The following PHLDB2 variants were observed in gnomAD, a reference collection of about 807,000 sequenced individuals.
PHLDB2 encodes the protein pleckstrin homology-like domain family B member 2.
In PHLDB2, 71 loss-of-function variants were observed where a neutral mutation model predicts 123.6. The observed-to-expected ratio is 0.57, with a 90% CI of 0.47 to 0.70. The LOEUF (loss-of-function observed/expected upper bound fraction) is 0.70, where lower values mean the gene tolerates loss of function less well. PHLDB2 is among the 30% of genes least tolerant of loss of function. PHLDB2 has a pLI of 0.00. For missense variants in PHLDB2, 1,446 were observed against 1,519.5 expected (o/e 0.95, Z 0.80); for synonymous variants, 547 against 541.6 (o/e 1.01, Z -0.14).
intron 1 of PHLDB2, among the ~76,000 whole-genome samples, chr3:111,865,259 C>G (rs1222332020): frequency 1.3e-5 from 2 of 152,178 alleles, no homozygotes; most frequent in Non-Finnish European, 2.9e-5. Context: ...CAAAACCTTT[C>G]TTATACATCA....
chr3:111,967,945 A>T, intron 15 of PHLDB2, 121 bp downstream of exon 15: 1 of 378,500 alleles, frequency 2.6e-6, no homozygotes, highest in Non-Finnish European at 4.5e-6. Context: ...TTGACATGTA[A>T]GGGTTAAGAG....
intron 2 of PHLDB2, among the ~76,000 whole-genome samples, chr3:111,904,843 A>G (rs920214301): frequency 2.6e-5 from 4 of 152,170 alleles, no homozygotes; most frequent in African/African-American, 9.7e-5. Flanking sequence ...CTCTCCTCAG[A>G]TAACTGAGCT....
intron 1 of PHLDB2, among the ~76,000 whole-genome samples, chr3:111,820,749 T>A (rs2108398735): frequency 6.6e-6 from 1 of 151,932 alleles, no homozygotes; most frequent in Non-Finnish European, 1.5e-5. Flanking sequence ...AGAAGAGGAG[T>A]AAAGCAAAGA....
intron 1 of PHLDB2, among the ~76,000 whole-genome samples, chr3:111,827,580 C>CA (rs1240692540): frequency 8.8e-5 from 13 of 147,536 alleles, no homozygotes. Context: ...GAGGCTGAGG[C>CA]GGAGAATGGC....
At chr3:111,732,780 T>C in intron 1 of PHLDB2, 1 of 1,290,026 alleles carries the variant, frequency 7.8e-7, no homozygotes, top group African/African-American at 1.5e-5. Flanking sequence ...GTCACCAGAG[T>C]GTTTCTGAGG....
At chr3:111,807,427 T>C (rs754712469) in intron 1 of PHLDB2, among the ~76,000 whole-genome samples, 1 of 152,060 alleles carries the variant, frequency 6.6e-6, no homozygotes, top group Admixed American at 6.6e-5. Context: ...AAAAGAAGCA[T>C]GAATCCCTGC....
intron 2 of PHLDB2, among the ~76,000 whole-genome samples, chr3:111,853,862 G>C (rs2064366399): frequency 8.1e-6 from 1 of 122,722 alleles, no homozygotes; most frequent in South Asian, 3.0e-4. Context: ...ACAAGAGCAA[G>C]ACTCCATCTC....
At chr3:111,772,821 G>C (rs553572652) in intron 1 of PHLDB2, among the ~76,000 whole-genome samples, 1 of 152,114 alleles carries the variant, frequency 6.6e-6, no homozygotes, top group South Asian at 2.1e-4. Flanking sequence ...ACACCTCATA[G>C]AGCCCATCCC....
In PHLDB2 at chr3:111,884,876, C is replaced by A. The variant is rs866156121; in HGVS notation, c.799C>A (p.Leu267Met). ...PRLYRATENQLTPLSLPPRNS... is the reference protein window; with the variant it reads ...PRLYRATENQMTPLSLPPRNS... ...GTTGTACAGAGCCACAGAGAACCAG[C>A]TGACACCTCTCAGCTTGCCTCCAAG... The change falls in exon 2 of 18, where the codon CTG becomes ATG. Residue 267 changes from leucine (L) to methionine (M), a missense_variant. Around this residue, in one of 3 missense-constraint regions of PHLDB2, gnomAD observed 832 missense variants for 831.9 expected, o/e 1.00. Transcript: ENST00000431670. The A allele has an allele frequency of 6.2e-7, 1 of 1,614,172 alleles. No homozygotes were observed.
At chr3:111,827,758 G>T (rs1029663028) in intron 1 of PHLDB2, among the ~76,000 whole-genome samples, 2 of 151,396 alleles carry the variant, frequency 1.3e-5, no homozygotes, top group Non-Finnish European at 2.9e-5. Flanking sequence ...TTCTTCCTGG[G>T]AAGCTTCATG....
intron 9 of PHLDB2, among the ~76,000 whole-genome samples, chr3:111,948,445 C>T (rs1191887553): frequency 1.3e-5 from 2 of 152,132 alleles, no homozygotes; most frequent in Non-Finnish European, 2.9e-5. Flanking sequence ...AGCCCTCAGC[C>T]CATTTTCCTC....
chr3:111,814,809 C>A (rs555374916), intron 1 of PHLDB2, among the ~76,000 whole-genome samples: 18 of 152,096 alleles, frequency 1.2e-4, no homozygotes, highest in African/African-American at 4.1e-4. Flanking sequence ...TTATAACAAC[C>A]CACTCTCTCA....
intron 6 of PHLDB2, among the ~76,000 whole-genome samples, chr3:111,938,364 C>T (rs576057847): frequency 1.2e-4 from 19 of 152,194 alleles, no homozygotes; most frequent in East Asian, 7.7e-4. Context: ...ACCGACACAT[C>T]GTCATCACCT....
chr3:111,911,219 G>T (rs762161985), intron 2 of PHLDB2, among the ~76,000 whole-genome samples: 1 of 152,196 alleles, frequency 6.6e-6, no homozygotes, highest in Non-Finnish European at 1.5e-5. Context: ...CAGGTAATTG[G>T]AAATGGACAA....
intron 1 of PHLDB2, among the ~76,000 whole-genome samples, chr3:111,780,608 C>T (rs1335534146): frequency 1.3e-5 from 2 of 151,818 alleles, no homozygotes; most frequent in African/African-American, 4.8e-5. Flanking sequence ...CGACAGAAAC[C>T]TGCTAAGACT....
Position 111,940,644 on chromosome 3 carries a change from GAGTA to G in PHLDB2, c.2397+4_2397+7del, listed in dbSNP as rs1559913753. On this transcript the variant is annotated splice_donor_variant and splice_donor_region_variant and coding_sequence_variant and intron_variant, in exon 8 of 18. Coordinates refer to ENST00000431670, the MANE Select transcript of PHLDB2 (RefSeq NM_001134438.2). LOFTEE classifies it high-confidence loss of function. ...AATAATTTAATAATGATGTTGCAAA[GAGTA>G]AGTATTTCCTTTTCAGCACTGGCTA... 2 of 1,559,656 alleles carry G rather than the reference GAGTA, an allele frequency of 1.3e-6. No homozygotes were observed. The highest frequency in any genetic ancestry group is 2.3e-5 in the East Asian group (1 of 43,138).
chr3:111,913,190 C>T (rs2067985838), intron 2 of PHLDB2, 129 bp from the exon 3 acceptor site: 1 of 1,057,502 alleles, frequency 9.5e-7, no homozygotes, highest in African/African-American at 1.6e-5. Context: ...AAAATCATCA[C>T]CAGCCAAGTG....
exon 2 of PHLDB2, chr3:111,845,872 G>C: frequency 6.2e-7 from 1 of 1,614,170 alleles, no homozygotes; most frequent in South Asian, 1.1e-5. Context: ...GATCCTGATG[G>C]AGGAGGAGGA....
At chr3:111,781,629 A>C (rs989898768) in intron 1 of PHLDB2, among the ~76,000 whole-genome samples, 7 of 152,180 alleles carry the variant, frequency 4.6e-5, no homozygotes, top group Admixed American at 6.6e-5. Context: ...GGATATCCAC[A>C]ACAAGAACAG....
Sources: allele counts gnomAD v4.1 joint callset (sites outside exome capture counted in the v4.1 genomes callset), GRCh38; gene constraint gnomAD v4.1.1; regional missense constraint gnomAD v4.1.1; transcripts MANE v1.5; gene names NCBI Gene and HGNC (gene_info 2026-07-23, HGNC 2026-07-21).